Variants in EYA4 observed in about 807,000 individuals in gnomAD.
EYA4 encodes the protein protein phosphatase EYA4.
In EYA4, 31 loss-of-function variants were observed where a neutral mutation model predicts 87.9. The ratio of observed to expected loss-of-function variants is 0.35; its 90% CI spans 0.27 to 0.48. The LOEUF (loss-of-function observed/expected upper bound fraction) is 0.48, where lower values mean the gene tolerates loss of function less well. Ranked by LOEUF, EYA4 falls within the 20% of genes least tolerant of loss-of-function variation. EYA4 has a pLI of 0.99. For synonymous variants in EYA4, 263 were observed against 270.6 expected (o/e 0.97, Z 0.28); for missense variants, 678 against 761.4 (o/e 0.89, Z 1.29).
chr6:133,492,956 CA>C (rs924044039), intron 13 of EYA4, among the ~76,000 whole-genome samples: 3 of 151,280 alleles, frequency 2.0e-5, no homozygotes, highest in African/African-American at 7.3e-5. Context: ...GAAGAGGACA[CA>C]AAAAAAATGG....
chr6:133,410,633 T>TTTTTTTTTTTTTTTTTTTTTTTTGAGAC (rs1554252061), intron 3 of EYA4, among the ~76,000 whole-genome samples: 1 of 148,720 alleles, frequency 6.7e-6, no homozygotes, highest in Non-Finnish European at 1.5e-5. Context: ...ACTAAGGTCT[T>TTTTTTTTTTTTTTTTTTTTTTTTGAGAC]AATTCCTTCT....
At chr6:133,346,198 C>T (rs149211971) in intron 2 of EYA4, among the ~76,000 whole-genome samples, 39 of 152,238 alleles carry the variant, frequency 2.6e-4, no homozygotes, top group African/African-American at 8.9e-4. Flanking sequence ...TCTGTATGTT[C>T]CAGAAGTATT....
intron 1 of EYA4, among the ~76,000 whole-genome samples, chr6:133,259,878 ATTGTTT>A (rs1469294840): frequency 6.6e-6 from 1 of 152,042 alleles, no homozygotes; most frequent in African/African-American, 2.4e-5. Flanking sequence ...TGATTTTGTT[ATTGTTT>A]TTGTTGTCAT....
chr6:133,390,246 CT>C (rs1292515922), intron 3 of EYA4, among the ~76,000 whole-genome samples: 1 of 152,066 alleles, frequency 6.6e-6, no homozygotes, highest in Non-Finnish European at 1.5e-5. Context: ...TTGAGACAGA[CT>C]TTCGCTGTGT....
intron 2 of EYA4, among the ~76,000 whole-genome samples, chr6:133,374,461 G>A (rs714178): frequency 0.13 from 20,177 of 151,822 alleles, 1,494 homozygotes; most frequent in East Asian, 0.35. Flanking sequence ...GGTTTTTGGT[G>A]GTGGATTTTA....
At chr6:133,425,930 C>A (rs1393454590) in intron 3 of EYA4, among the ~76,000 whole-genome samples, 2 of 150,798 alleles carry the variant, frequency 1.3e-5, no homozygotes, top group East Asian at 3.9e-4. Context: ...ACGCTTTCTC[C>A]CTGACCTCTA....
intron 17 of EYA4, among the ~76,000 whole-genome samples, chr6:133,515,854 G>T (rs1431370630): frequency 1.3e-5 from 2 of 152,144 alleles, no homozygotes; most frequent in African/African-American, 2.4e-5. Context: ...AAAAAGGCAT[G>T]TTTTAGGTGT....
intron 3 of EYA4, among the ~76,000 whole-genome samples, chr6:133,416,451 G>A (rs2128552109): frequency 6.6e-6 from 1 of 152,240 alleles, no homozygotes; most frequent in South Asian, 2.1e-4. Context: ...TATTGATCAA[G>A]TGTTTTGTTG....
At chr6:133,263,442 A>G (rs1048973587) in intron 1 of EYA4, among the ~76,000 whole-genome samples, 1 of 152,128 alleles carries the variant, frequency 6.6e-6, no homozygotes, top group African/African-American at 2.4e-5. Flanking sequence ...CCTACAGACC[A>G]GCTTTTTTCC....
intron 13 of EYA4, among the ~76,000 whole-genome samples, chr6:133,494,326 CTT>C (rs1232016568): frequency 6.6e-6 from 1 of 152,084 alleles, no homozygotes; most frequent in African/African-American, 2.4e-5. Context: ...AGGTGACAAA[CTT>C]TACATATTCT....
chr6:133,380,732 G>T (rs1786117743), intron 2 of EYA4, among the ~76,000 whole-genome samples: 1 of 151,958 alleles, frequency 6.6e-6, no homozygotes, highest in Admixed American at 6.6e-5. Flanking sequence ...AAATTTAATG[G>T]ACATAAGACT....
At chr6:133,478,814 T>A (rs554967074) in intron 11 of EYA4, among the ~76,000 whole-genome samples, 1 of 152,278 alleles carries the variant, frequency 6.6e-6, no homozygotes, top group Non-Finnish European at 1.5e-5. Flanking sequence ...CCTCTTCTGC[T>A]CTTTTCACCC....
intron 14 of EYA4, among the ~76,000 whole-genome samples, chr6:133,507,645 G>A (rs1446368009): frequency 6.6e-6 from 1 of 152,056 alleles, no homozygotes; most frequent in Non-Finnish European, 1.5e-5. Context: ...CTGTTCTTAT[G>A]TTAGTTTGCT....
chr6:133,461,964 A>G (rs1386283510), intron 7 of EYA4, among the ~76,000 whole-genome samples: 1 of 152,114 alleles, frequency 6.6e-6, no homozygotes, highest in Non-Finnish European at 1.5e-5. Flanking sequence ...GAATTTGCTC[A>G]TGAGCATATT....
At chr6:133,266,999 A>C (rs1776276716) in intron 1 of EYA4, among the ~76,000 whole-genome samples, 1 of 152,176 alleles carries the variant, frequency 6.6e-6, no homozygotes, top group Admixed American at 6.5e-5. Context: ...TAAGACAAAC[A>C]TTCCCTTCCC....
Position 133,456,552 on chromosome 6 carries a change from G to A in EYA4, c.278-4G>A, listed in dbSNP as rs201806127. ...AACTCACATGTACTTATTCTTCTAC[G>A]TAGTGTCTCTTCTTGCAGTCAAAAC... is the stretch of plus-strand genomic sequence containing the variant. On this transcript the variant is annotated splice_region_variant and splice_polypyrimidine_tract_variant and intron_variant, in intron 5 of 19. Transcript: ENST00000355286. The A allele has an allele frequency of 4.6e-5, 74 of 1,597,662 alleles. 1 individual carries two copies. The Middle Eastern group carries it at 2.2e-3, about 46-fold the overall frequency.
chr6:133,311,728 T>C (rs72991942), intron 2 of EYA4, among the ~76,000 whole-genome samples: 48,392 of 152,154 alleles, frequency 0.32, 7,949 homozygotes, highest in Middle Eastern at 0.43. Flanking sequence ...AAAGCCTGCA[T>C]GGTCTGCTTC....
At chr6:133,389,314 C>A (rs1260615078) in intron 3 of EYA4, among the ~76,000 whole-genome samples, 2 of 152,146 alleles carry the variant, frequency 1.3e-5, no homozygotes, top group Non-Finnish European at 2.9e-5. Context: ...CCTTCCCTAT[C>A]CAGCCAACTA....
rs570930462 is a variant in EYA4, at chr6:133,424,439, G to A, written c.84-22191G>A. ...TACTGCCATTCATGGCCCTGGTCTC[G>A]GCCCCAACCCCTGCTCTGATCTTGG... On this transcript the variant is annotated intron_variant, in intron 3 of 19. Coordinates refer to ENST00000355286, the MANE Select transcript of EYA4 (RefSeq NM_004100.5). 3.9e-5 allele frequency among the ~76,000 whole-genome samples: 6 copies of A among 152,166 alleles called. No individual in the cohort carries two copies. The East Asian group carries it at 1.2e-3, about 30-fold the overall frequency.
Sources: allele counts gnomAD v4.1 joint callset (sites outside exome capture counted in the v4.1 genomes callset), GRCh38; gene constraint gnomAD v4.1.1; transcripts MANE v1.5; gene names NCBI Gene and HGNC (gene_info 2026-07-23, HGNC 2026-07-21).